Variants in MYO1D observed in about 807,000 individuals in gnomAD.
MYO1D encodes unconventional myosin-Id.
Under a neutral mutation model 122.0 loss-of-function variants are expected in MYO1D, and 83 were observed. That is an observed-to-expected ratio of 0.68 (90% CI 0.57 to 0.82). MYO1D has a LOEUF of 0.82. Among genes scored for constraint, MYO1D ranks in the 40% least tolerant of loss-of-function variants. The probability of loss-of-function intolerance (pLI) is 0.00; values close to 1 mark genes in which losing one functional copy is unlikely to be tolerated. For synonymous variants in MYO1D, 464 were observed against 446.9 expected (o/e 1.04, Z -0.48); for missense variants, 1,157 against 1,269.5 (o/e 0.91, Z 1.35).
intron 20 of MYO1D, among the ~76,000 whole-genome samples, chr17:32,630,262 C>G (rs896953124): frequency 1.3e-5 from 2 of 152,166 alleles, no homozygotes; most frequent in Non-Finnish European, 2.9e-5. Flanking sequence ...CAGTGTCTCA[C>G]TATTTTACCC....
intron 21 of MYO1D, among the ~76,000 whole-genome samples, chr17:32,572,680 T>C (rs1453501107): frequency 1.3e-5 from 2 of 152,166 alleles, no homozygotes; most frequent in African/African-American, 4.8e-5. Flanking sequence ...CTGGGTGATC[T>C]CTAACTTCCA....
chr17:32,605,397 C>G (rs976594578), intron 20 of MYO1D, among the ~76,000 whole-genome samples, 156 bp from the exon 21 acceptor site: 1 of 152,080 alleles, frequency 6.6e-6, no homozygotes, highest in East Asian at 1.9e-4. Flanking sequence ...GAGTTTGAAT[C>G]CAGCCTGGAC....
chr17:32,506,069 A>T (rs1022484248), intron 21 of MYO1D, among the ~76,000 whole-genome samples: 3 of 152,072 alleles, frequency 2.0e-5, no homozygotes, highest in Non-Finnish European at 4.4e-5. Context: ...AAAGAAATTA[A>T]ATAAGACAAG....
chr17:32,624,216 GTT>G (rs3040378), intron 20 of MYO1D, among the ~76,000 whole-genome samples: 4 of 137,892 alleles, frequency 2.9e-5, no homozygotes, highest in Admixed American at 7.3e-5. Context: ...TTTTCTTTAA[GTT>G]TTTTTTTTTT....
At chr17:32,832,182 T>C (rs1485928111) in intron 1 of MYO1D, among the ~76,000 whole-genome samples, 2 of 152,004 alleles carry the variant, frequency 1.3e-5, no homozygotes, top group African/African-American at 4.8e-5. Context: ...CATGGCTCAC[T>C]GCAGCCTCAG....
chr17:32,557,498 T>C (rs113192733), intron 21 of MYO1D, among the ~76,000 whole-genome samples: 1 of 151,986 alleles, frequency 6.6e-6, no homozygotes, highest in Admixed American at 6.6e-5. Flanking sequence ...TCCTTTTTTT[T>C]CTTTTTCTTC....
intron 12 of MYO1D, among the ~76,000 whole-genome samples, chr17:32,746,595 TAAG>T (rs2089840779): frequency 6.6e-6 from 1 of 152,170 alleles, no homozygotes; most frequent in African/African-American, 2.4e-5. Context: ...TGTGTAAAAA[TAAG>T]AACACATACA....
At position 32,778,551 on chromosome 17, in the gene MYO1D, C is replaced by T. The variant is rs755816689; in HGVS notation, c.327G>A (p.Thr109=). The T allele has an allele frequency of 4.2e-5, 68 of 1,613,800 alleles. No individual in the cohort carries two copies. The highest frequency in any genetic ancestry group is 1.6e-4 in the East Asian group (7 of 44,878). The change falls in exon 3 of 22, where the codon ACG becomes ACA. Residue 109 remains threonine, a synonymous_variant. Transcript: ENST00000318217. ...VISGESGAGK[T]EASKYIMQYI... ...ACTGCATAATGTACTTACTGGCTTC[C>T]GTTTTACCAGCTCCACTTTCCCCTG...
chr17:32,580,950 C>T (rs1310867896), intron 21 of MYO1D, among the ~76,000 whole-genome samples: 8 of 152,152 alleles, frequency 5.3e-5, no homozygotes, highest in Non-Finnish European at 8.8e-5. Flanking sequence ...TGGTATGAGG[C>T]GAAGGCTGGC....
intron 1 of MYO1D, among the ~76,000 whole-genome samples, chr17:32,873,285 G>A (rs1035083643): frequency 6.6e-6 from 1 of 152,196 alleles, no homozygotes; most frequent in African/African-American, 2.4e-5. Flanking sequence ...GCAGCCTTGA[G>A]TGCTTGACTA....
chr17:32,670,059 A>C (rs1323559252), intron 16 of MYO1D, among the ~76,000 whole-genome samples: 2 of 151,840 alleles, frequency 1.3e-5, no homozygotes, highest in Admixed American at 6.6e-5. Context: ...ATGCCTGGCT[A>C]AGTTTTGTCT....
At position 32,582,273 on chromosome 17, in the gene MYO1D, C is replaced by T. The variant is rs77417504; in HGVS notation, c.2864+22814G>A. The stretch of plus-strand genomic sequence containing the variant: ...ATTGATTTGAGACTTTTAAAATCTA[C>T]GCATTTTAAAAGAAAAGCATTTTAT... On this transcript the variant is annotated intron_variant, in intron 21 of 21. Coordinates refer to ENST00000318217, the MANE Select transcript of MYO1D (RefSeq NM_015194.3). Among the ~76,000 whole-genome samples, 618 of 152,236 alleles carry T rather than the reference C, an allele frequency of 4.1e-3. 5 individuals carry two copies. The highest frequency in any genetic ancestry group is 0.014 in the African/African-American group (587 of 41,552).
intron 14 of MYO1D, among the ~76,000 whole-genome samples, chr17:32,727,065 A>G (rs1325403415): frequency 6.6e-6 from 1 of 152,246 alleles, no homozygotes; most frequent in East Asian, 1.9e-4. Flanking sequence ...ATAAAATGAT[A>G]AAAAATACTT....
In MYO1D at chr17:32,719,193, A is replaced by G. The variant is rs1392066437; in HGVS notation, c.1913+1830T>C. ...CATTCCTCTTTATTCCTATTTCATC[A>G]TATCCAATCCATGAGAGAGTCTTGT... On this transcript the variant is annotated intron_variant, in intron 15 of 21. Coordinates refer to ENST00000318217, the MANE Select transcript of MYO1D (RefSeq NM_015194.3). Among the ~76,000 whole-genome samples the G allele has an allele frequency of 2.6e-5, 4 of 152,240 alleles. No homozygotes were observed. In the Middle Eastern group the frequency reaches 0.01, roughly 394 times the overall value.
intron 21 of MYO1D, among the ~76,000 whole-genome samples, chr17:32,513,518 T>C (rs1292394686): frequency 6.6e-6 from 1 of 152,204 alleles, no homozygotes; most frequent in Non-Finnish European, 1.5e-5. Context: ...ATATACCATG[T>C]AGACCCAGGA....
intron 16 of MYO1D, among the ~76,000 whole-genome samples, chr17:32,695,347 G>A (rs144602368): frequency 2.6e-5 from 4 of 152,292 alleles, no homozygotes; most frequent in African/African-American, 7.2e-5. Context: ...CTCACTTGCC[G>A]CCCACCTGCT....
chr17:32,579,095 G>A (rs1336771780), intron 21 of MYO1D, among the ~76,000 whole-genome samples: 1 of 151,898 alleles, frequency 6.6e-6, no homozygotes, highest in Admixed American at 6.6e-5. Flanking sequence ...TTGAGATAGG[G>A]TCTTGCTCTG....
At chr17:32,668,360 A>G (rs561869363) in intron 16 of MYO1D, among the ~76,000 whole-genome samples, 5 of 152,358 alleles carry the variant, frequency 3.3e-5, no homozygotes, top group African/African-American at 1.2e-4. Context: ...AGTACAGGTC[A>G]GGCTTTGACC....
intron 21 of MYO1D, among the ~76,000 whole-genome samples, chr17:32,535,219 T>C (rs973112088): frequency 1.3e-5 from 2 of 152,222 alleles, no homozygotes; most frequent in Non-Finnish European, 2.9e-5. Flanking sequence ...ATGGCATACT[T>C]TGGGAAAATG....
Sources: allele counts gnomAD v4.1 joint callset (sites outside exome capture counted in the v4.1 genomes callset), GRCh38; gene constraint gnomAD v4.1.1; transcripts MANE v1.5; gene names NCBI Gene and HGNC (gene_info 2026-07-23, HGNC 2026-07-21).